The following ZBTB17 variants were observed in gnomAD, a reference collection of about 807,000 sequenced individuals.
ZBTB17 encodes the protein zinc finger and BTB domain-containing protein 17.
In ZBTB17, 24 loss-of-function variants were observed where a neutral mutation model predicts 85.1. That is an observed-to-expected ratio of 0.28 (90% CI 0.20 to 0.40). The LOEUF (loss-of-function observed/expected upper bound fraction) is 0.40. Ranked by LOEUF, ZBTB17 falls within the 10% of genes least tolerant of loss-of-function variation. The probability of loss-of-function intolerance (pLI) is 1.00; values close to 1 mark genes in which losing one functional copy is unlikely to be tolerated. For missense variants in ZBTB17, 743 were observed against 1,105.1 expected, an observed-to-expected ratio of 0.67 and a Z score of 4.65; for synonymous variants, 464 against 460.2, an observed-to-expected ratio of 1.01 and a Z score of -0.11.
Position 15,946,978 on chromosome 1 carries a change from C to T in ZBTB17, c.351G>A (p.Pro117=), listed in dbSNP as rs756934873. Residue 117 remains proline, a synonymous_variant, in exon 4 of 16, where the codon CCG becomes CCA. Coordinates refer to ENST00000375743, the MANE Select transcript of ZBTB17 (RefSeq NM_003443.3). ...CCGCATTTCCCCCAGGGCTGGTAGC[C>T]GGCTCAGCAAGTGACTTGAGGGCAT... is the stretch of plus-strand genomic sequence containing the variant. The part of the protein sequence containing the change: ...ACHALKSLAE[P]ATSPGGNAEA... 6.8e-6 allele frequency: 11 copies of T among 1,613,730 alleles called. No homozygotes were observed. The highest frequency in any genetic ancestry group is 4.4e-5 in the South Asian group (4 of 91,084).
In ZBTB17 at chr1:15,942,817, G is replaced by A. The variant is rs1425329263; in HGVS notation, c.1829-79C>T. The A allele has an allele frequency of 7.2e-6, 11 of 1,529,608 alleles. No individual in the cohort carries two copies. In the East Asian group the frequency reaches 2.5e-4, roughly 35 times the overall value. 94.8% of individuals were successfully genotyped at this position (1,529,608 alleles called of 1,614,324 possible). A position where few individuals can be genotyped will look rare whatever the true frequency, so the allele number is the denominator to read the frequency against. On this transcript the variant is annotated intron_variant, in intron 13 of 15. Coordinates refer to ENST00000375743, the MANE Select transcript of ZBTB17 (RefSeq NM_003443.3). ...GTGGGAGGCCCTCAATGACTCGTTT[G>A]CCCAGCAACCCTGTCTTTTACAGCA...
At position 15,953,549 on chromosome 1, in the gene ZBTB17, T is replaced by A. The variant is rs1355349968; in HGVS notation, c.-2-5052A>T. ...GCCCCAGAAAGCACAACCCATTGCA[T>A]CTGTCTTGCAGTCCCAAAGCACCAC... On this transcript the variant is annotated intron_variant, in intron 2 of 15. Coordinates refer to ENST00000375743, the MANE Select transcript of ZBTB17 (RefSeq NM_003443.3). This position sits in a 1 kb window ranked among gnomAD's most constrained non-coding sequence, Gnocchi z 5.1. Among the ~76,000 whole-genome samples, 1 of 152,222 alleles carries A rather than the reference T, an allele frequency of 6.6e-6. No individual in the cohort carries two copies. Among genetic ancestry groups the A allele is most frequent in the South Asian group, 2.1e-4 (1 of 4,834 alleles).
chr1:15,956,068 T>C (rs2072035225), intron 2 of ZBTB17, among the ~76,000 whole-genome samples: 1 of 152,180 alleles, frequency 6.6e-6, no homozygotes, highest in Non-Finnish European at 1.5e-5. Flanking sequence ...CAGGGACTTG[T>C]AAAGCTCAAC....
chr1:15,960,133 G>T (rs1019911000), intron 2 of ZBTB17, among the ~76,000 whole-genome samples: 4 of 152,190 alleles, frequency 2.6e-5, no homozygotes, highest in African/African-American at 9.7e-5. Flanking sequence ...ACGCAACTGT[G>T]GGGGGCTTGC....
Position 15,944,543 on chromosome 1 carries a change from C to T in ZBTB17, c.1128G>A (p.Leu376=), listed in dbSNP as rs781493457. 4.4e-6 allele frequency: 7 copies of T among 1,596,672 alleles called. No homozygotes were observed. The highest frequency in any genetic ancestry group is 3.4e-5 in the Admixed American group (2 of 58,780). Residue 376 remains leucine (L), a synonymous_variant, in exon 9 of 16, where the codon CTG becomes CTA. Coordinates refer to ENST00000375743, the MANE Select transcript of ZBTB17 (RefSeq NM_003443.3). ...ECGKSYRLIS[L]LNLHKKRHSG... ...AGTGCCGCTTCTTGTGCAGGTTCAG[C>T]AGGCTGATGAGGCGGTAGCTCTTCC... is the stretch of plus-strand genomic sequence containing the variant.
At chr1:15,942,299 G>A (rs1178807486) in intron 15 of ZBTB17, 32 bp downstream of exon 15, 2 of 1,613,740 alleles carry the variant, frequency 1.2e-6, no homozygotes, top group East Asian at 4.5e-5. Flanking sequence ...CCCGGGCTCT[G>A]CCCACATTCA....
intron 2 of ZBTB17, chr1:15,970,157 C>G (rs955209405): frequency 3.6e-6 from 2 of 561,222 alleles, no homozygotes; most frequent in Non-Finnish European, 6.5e-6. Flanking sequence ...AATTTCTTTA[C>G]AATAGTAGGA....
chr1:15,971,549 ACT>A (rs2072682397), intron 2 of ZBTB17, among the ~76,000 whole-genome samples: 2 of 143,698 alleles, frequency 1.4e-5, no homozygotes, highest in African/African-American at 5.1e-5. Context: ...ATACACACAC[ACT>A]ATATATATAC....
chr1:15,968,815 A>C (rs1351623301), intron 2 of ZBTB17, among the ~76,000 whole-genome samples: 2 of 152,208 alleles, frequency 1.3e-5, no homozygotes, highest in African/African-American at 4.8e-5. Flanking sequence ...TGGCGTCCCC[A>C]CAGGTTTGGG....
rs182934951 is a variant in ZBTB17 at position 15,949,345 on chromosome 1, G to A, written c.-2-848C>T. Among the ~76,000 whole-genome samples the A allele has an allele frequency of 2.0e-5, 3 of 152,292 alleles. No homozygotes were observed. The East Asian group carries it at 5.8e-4, about 29-fold the overall frequency. ...ACTATCTAAAACAGCTCTCCCTCCC[G>A]CCCCAACACCACCCAGAGTGGGCGT... is the stretch of plus-strand genomic sequence containing the variant. On this transcript the variant is annotated intron_variant, in intron 2 of 15. Coordinates refer to ENST00000375743, the MANE Select transcript of ZBTB17 (RefSeq NM_003443.3).
chr1:15,956,363 T>C (rs1168088286), intron 2 of ZBTB17, among the ~76,000 whole-genome samples: 1 of 152,198 alleles, frequency 6.6e-6, no homozygotes, highest in Non-Finnish European at 1.5e-5. Context: ...ACAGATCAAG[T>C]AGGGAACAGG....
intron 2 of ZBTB17, among the ~76,000 whole-genome samples, chr1:15,957,412 AGAG>A (rs2072089110): frequency 6.6e-6 from 1 of 151,520 alleles, no homozygotes; most frequent in Admixed American, 6.6e-5. Flanking sequence ...GTGTGTGTGG[AGAG>A]GAGGAGGTGT....
At chr1:15,946,460 C>A in intron 4 of ZBTB17, 166 bp from the exon 5 acceptor site, 1 of 1,042,198 alleles carries the variant, frequency 9.6e-7, no homozygotes, top group Non-Finnish European at 1.4e-6. Flanking sequence ...GGCACCCACT[C>A]CATGCCAGGC....
chr1:15,944,055 G>A, intron 9 of ZBTB17, 160 bp from the exon 10 acceptor site: 2 of 968,880 alleles, frequency 2.1e-6, no homozygotes, highest in South Asian at 1.4e-5. Context: ...TCCCAGCGGT[G>A]AGAGGTAAGC....
chr1:15,946,490 A>G (rs1279695148), intron 4 of ZBTB17, among the ~76,000 whole-genome samples, 196 bp from the exon 5 acceptor site: 1 of 152,234 alleles, frequency 6.6e-6, no homozygotes, highest in Non-Finnish European at 1.5e-5. Context: ...GGCACTGGGA[A>G]TACAACAGTG....
intron 4 of ZBTB17, 113 bp downstream of exon 4, chr1:15,946,822 C>A: frequency 7.5e-7 from 1 of 1,339,154 alleles, no homozygotes. Context: ...CCAGCACCCA[C>A]AACCGAGGCA....
At chr1:15,956,432 T>C (rs1368038978) in intron 2 of ZBTB17, among the ~76,000 whole-genome samples, 3 of 152,252 alleles carry the variant, frequency 2.0e-5, no homozygotes, top group African/African-American at 7.2e-5. Context: ...TGTCAAAGTA[T>C]TTCCTAGACC....
chr1:15,945,185 C>A lies in ZBTB17; in HGVS notation c.679G>T (p.Ala227Ser), dbSNP rs1285818153. 5 of 1,555,512 alleles carry A rather than the reference C, an allele frequency of 3.2e-6. No individual in the cohort carries two copies. The African/African-American group carries it at 5.4e-5, about 17-fold the overall frequency. The change falls in exon 7 of 16, where the codon GCC (alanine) becomes TCC (serine). Residue 227 changes from alanine to serine, a missense_variant. This residue lies in a region of ZBTB17 where 279 missense variants were observed against 269.9 expected (regional missense o/e 1.03). Transcript: ENST00000375743. Reference sequence around the variant, plus strand: ...TTTTGCTCCTCTTCCCCTTTCCGGGCGGGCTCCACCTCCATTTCTGCGGAG... The same window carrying A: ...TTTTGCTCCTCTTCCCCTTTCCGGGAGGGCTCCACCTCCATTTCTGCGGAG... ...SSEQEMEVEP[A>S]RKGEEEQKEQ...
intron 2 of ZBTB17, among the ~76,000 whole-genome samples, chr1:15,959,094 ATTCT>A (rs1269315369): frequency 6.6e-6 from 1 of 152,190 alleles, no homozygotes; most frequent in Admixed American, 6.5e-5. Flanking sequence ...CACTTACATG[ATTCT>A]TTCTGGCAGC....
Sources: gnomAD v4.1 joint callset for allele counts (sites outside exome capture counted in the v4.1 genomes callset) on GRCh38, gnomAD v4.1.1 for gene constraint, gnomAD v4.1.1 regional missense constraint, Gnocchi (gnomAD v3.1) non-coding constraint, MANE v1.5 for transcripts, NCBI Gene and HGNC (gene_info 2026-07-23, HGNC 2026-07-21) for gene names.